Variants in LRP1B observed in about 807,000 individuals in gnomAD.
LRP1B encodes the protein LDL receptor related protein 1B.
A neutral mutation model predicts 556.6 loss-of-function variants in LRP1B; 217 were observed. The observed-to-expected ratio is 0.39, with a 90% CI of 0.35 to 0.44. LRP1B has a LOEUF of 0.44. LRP1B is among the 20% of genes least tolerant of loss of function. LRP1B has a pLI of 1.00. For missense variants in LRP1B, 5,053 were observed against 5,620.8 expected (o/e 0.90, Z 3.23); for synonymous variants, 2,047 against 1,865.8 (o/e 1.10, Z -2.50).
intron 7 of LRP1B, among the ~76,000 whole-genome samples, chr2:141,181,694 C>A (rs1221841745): frequency 6.6e-6 from 1 of 151,900 alleles, no homozygotes; most frequent in Non-Finnish European, 1.5e-5. Flanking sequence ...GTATTCACTG[C>A]ATATAAACCA....
intron 1 of LRP1B, among the ~76,000 whole-genome samples, chr2:142,085,974 G>C (rs1705904302): frequency 1.3e-5 from 2 of 152,084 alleles, no homozygotes; most frequent in African/African-American, 4.8e-5. Flanking sequence ...CTCCCTTACT[G>C]TCTATAGGGT....
At chr2:141,003,527 T>C (rs1415198517) in intron 15 of LRP1B, among the ~76,000 whole-genome samples, 1 of 152,072 alleles carries the variant, frequency 6.6e-6, no homozygotes, top group African/African-American at 2.4e-5. Context: ...GTTGTTCTCA[T>C]GATAATGAAT....
intron 2 of LRP1B, among the ~76,000 whole-genome samples, chr2:141,751,737 CAT>C (rs376330278): frequency 1.6e-4 from 24 of 151,704 alleles, no homozygotes; most frequent in African/African-American, 5.6e-4. Flanking sequence ...CAAAAACAAA[CAT>C]AAATAATTTA....
Position 140,234,942 on chromosome 2 carries a change from C to G in LRP1B, c.13561-58G>C, listed in dbSNP as rs986376119. 2.5e-5 allele frequency: 18 copies of G among 720,784 alleles called. No homozygotes were observed. The South Asian group carries it at 2.7e-4, about 11-fold the overall frequency. The allele number at this position is 720,784 out of a possible 1,614,324, so 44.6% of individuals were successfully genotyped here. A position where few individuals can be genotyped will look rare whatever the true frequency, so the allele number is the denominator to read the frequency against. Reference sequence around the variant, plus strand: ...CTAATATTATAGAATCACTTTTCATCGATACATATCATGTTAATTCATAAA... The same window carrying G: ...CTAATATTATAGAATCACTTTTCATGGATACATATCATGTTAATTCATAAA... On this transcript the variant is annotated intron_variant, in intron 89 of 90. Transcript: ENST00000389484.
chr2:140,700,448 G>A lies in LRP1B; in HGVS notation c.6601C>T (p.His2201Tyr), dbSNP rs1307609777. 3.1e-6 allele frequency: 5 copies of A among 1,613,056 alleles called. No homozygotes were observed. The highest frequency in any genetic ancestry group is 4.2e-6 in the Non-Finnish European group (5 of 1,179,378). ...YSGRTILKSI[H>Y]LSDETNLNSP... ...TTTAAATTGGTTTCATCAGAAAGATGTATACTTTTTAATATTGTTCTTCCT... is the reference window on the plus strand; with the variant it reads ...TTTAAATTGGTTTCATCAGAAAGATATATACTTTTTAATATTGTTCTTCCT... Residue 2201 changes from histidine (H) to tyrosine (Y), a missense_variant, in exon 41 of 91, where the codon CAT (histidine) becomes TAT (tyrosine). His to Tyr is a moderately conservative substitution (Grantham distance 83, BLOSUM62 2). Coordinates refer to ENST00000389484, the MANE Select transcript of LRP1B (RefSeq NM_018557.3).
At chr2:141,011,205 A>G (rs1293570355) in intron 14 of LRP1B, among the ~76,000 whole-genome samples, 49 of 47,698 alleles carry the variant, frequency 1.0e-3, no homozygotes, top group South Asian at 4.8e-3. Flanking sequence ...ATCCATAGGG[A>G]AAAAAAAAAA....
chr2:140,926,686 C>T (rs1252809381), intron 20 of LRP1B, among the ~76,000 whole-genome samples: 1 of 152,038 alleles, frequency 6.6e-6, no homozygotes. Flanking sequence ...AAAAAAATAC[C>T]TAGGATTGGG....
chr2:140,657,056 T>C (rs1028634650), intron 41 of LRP1B, among the ~76,000 whole-genome samples: 1 of 152,132 alleles, frequency 6.6e-6, no homozygotes, highest in Non-Finnish European at 1.5e-5. Context: ...CTTCTATATA[T>C]ACCTCAAAAT....
intron 1 of LRP1B, among the ~76,000 whole-genome samples, chr2:142,076,410 C>T (rs919677414): frequency 2.0e-5 from 3 of 152,028 alleles, no homozygotes; most frequent in Non-Finnish European, 4.4e-5. Context: ...CCATGAATTT[C>T]GAGTGCTCAA....
intron 31 of LRP1B, among the ~76,000 whole-genome samples, chr2:140,834,658 G>A (rs1423048971): frequency 1.3e-5 from 2 of 152,196 alleles, no homozygotes; most frequent in Non-Finnish European, 2.9e-5. Flanking sequence ...TAAACAGCGG[G>A]TCGTTTTGGT....
intron 27 of LRP1B, among the ~76,000 whole-genome samples, chr2:140,861,158 G>C (rs13026420): frequency 1.3e-5 from 2 of 152,174 alleles, no homozygotes; most frequent in African/African-American, 4.8e-5. Flanking sequence ...TGTAATCCCA[G>C]AACTTTGGGA....
chr2:140,371,210 C>G lies in LRP1B; in HGVS notation c.10844G>C (p.Gly3615Ala), dbSNP rs76554185. The part of the protein sequence containing the change: ...GCISASLKCN[G>A]EYDCADGSDE... The stretch of plus-strand genomic sequence containing the variant: ...TGAACCATCAGCACAATCATATTCT[C>G]CATTACATTTCAAAGATGCTGAAAT... Residue 3615 changes from glycine to alanine, a missense_variant, in exon 70 of 91, where the codon GGA becomes GCA. By Grantham distance (60) the Gly-to-Ala change is moderately conservative. Transcript: ENST00000389484. 0.022 allele frequency: 35,245 copies of G among 1,594,846 alleles called. 463 individuals carry two copies. The highest frequency in any genetic ancestry group is 0.022 in the Non-Finnish European group (25,359 of 1,170,354).
intron 2 of LRP1B, among the ~76,000 whole-genome samples, chr2:141,485,071 T>C (rs1683074209): frequency 6.6e-6 from 1 of 152,194 alleles, no homozygotes. Context: ...AATATGTGTT[T>C]ATTTTGCAAA....
intron 3 of LRP1B, among the ~76,000 whole-genome samples, chr2:141,361,054 C>A (rs1375964185): frequency 6.6e-6 from 1 of 152,056 alleles, no homozygotes; most frequent in Admixed American, 6.6e-5. Flanking sequence ...AAACTAGTTT[C>A]ATTAGGTAAT....
At chr2:141,396,550 A>T (rs1342991121) in intron 3 of LRP1B, among the ~76,000 whole-genome samples, 1 of 152,190 alleles carries the variant, frequency 6.6e-6, no homozygotes, top group Non-Finnish European at 1.5e-5. Context: ...TCACTGAAAG[A>T]CTAAGCTAAA....
At chr2:141,015,340 A>T (rs961788304) in intron 13 of LRP1B, among the ~76,000 whole-genome samples, 23 of 152,138 alleles carry the variant, frequency 1.5e-4, no homozygotes, top group Non-Finnish European at 1.2e-4. Flanking sequence ...GTAATACATA[A>T]TGTTAAACTT....
At chr2:141,947,026 G>C (rs774006509) in intron 1 of LRP1B, among the ~76,000 whole-genome samples, 9 of 152,136 alleles carry the variant, frequency 5.9e-5, no homozygotes, top group Non-Finnish European at 1.0e-4. Flanking sequence ...AAGCAGGTTT[G>C]TGGTGTGAGT....
At chr2:140,576,617 A>G (rs1181265373) in intron 43 of LRP1B, among the ~76,000 whole-genome samples, 1 of 152,210 alleles carries the variant, frequency 6.6e-6, no homozygotes, top group Non-Finnish European at 1.5e-5. Context: ...TATTCACTAT[A>G]CAAACCCTTG....
At chr2:142,015,789 C>G (rs776441446) in intron 1 of LRP1B, among the ~76,000 whole-genome samples, 17 of 151,686 alleles carry the variant, frequency 1.1e-4, no homozygotes, top group Admixed American at 5.2e-4. Flanking sequence ...GTCAGGCGAT[C>G]GAGACCATCC....
Sources: gnomAD v4.1 joint callset for allele counts (sites outside exome capture counted in the v4.1 genomes callset) on GRCh38, gnomAD v4.1.1 for gene constraint, MANE v1.5 for transcripts, NCBI Gene and HGNC (gene_info 2026-07-23, HGNC 2026-07-21) for gene names.